Variants in STARD9 observed in about 807,000 individuals in gnomAD.
The protein encoded by STARD9 is stAR-related lipid transfer protein 9.
In STARD9, 346 loss-of-function variants were observed where a neutral mutation model predicts 399.8. That is an observed-to-expected ratio of 0.87 (90% CI 0.79 to 0.95). The LOEUF is 0.95. Among genes scored for constraint, STARD9 ranks in the 40% least tolerant of loss-of-function variants. The pLI is 0.00. For missense variants in STARD9, 5,832 were observed against 5,667.5 expected (o/e 1.03, Z -0.93); for synonymous variants, 2,203 against 2,143.5 (o/e 1.03, Z -0.77).
intron 3 of STARD9, among the ~76,000 whole-genome samples, chr15:42,614,112 A>G (rs934729247): frequency 6.6e-6 from 1 of 152,100 alleles, no homozygotes; most frequent in Non-Finnish European, 1.5e-5. Context: ...GGAGTTCAAG[A>G]CTGCCCTGAC....
At chr15:42,586,504 TG>T (rs2058280485) in intron 3 of STARD9, among the ~76,000 whole-genome samples, 1 of 152,192 alleles carries the variant, frequency 6.6e-6, no homozygotes, top group Non-Finnish European at 1.5e-5. Flanking sequence ...GTTTGAGCAC[TG>T]TTAAAGGCCA....
chr15:42,628,667 C>T (rs970630942), intron 3 of STARD9, among the ~76,000 whole-genome samples: 1 of 152,128 alleles, frequency 6.6e-6, no homozygotes. Context: ...GTTTTCCCAG[C>T]ACCATTTGTT....
chr15:42,651,814 C>T (rs938098609), intron 8 of STARD9, among the ~76,000 whole-genome samples: 1 of 152,170 alleles, frequency 6.6e-6, no homozygotes, highest in African/African-American at 2.4e-5. Flanking sequence ...CATGATTTTT[C>T]AGTGTCAGGC....
At chr15:42,643,288 C>T (rs1396691530) in intron 7 of STARD9, among the ~76,000 whole-genome samples, 1 of 151,940 alleles carries the variant, frequency 6.6e-6, no homozygotes, top group African/African-American at 2.4e-5. Flanking sequence ...CCTCTGCCTT[C>T]CAAGTTTGAG....
At chr15:42,678,590 G>A (rs1057194916) in intron 20 of STARD9, among the ~76,000 whole-genome samples, 3 of 152,196 alleles carry the variant, frequency 2.0e-5, no homozygotes, top group East Asian at 1.9e-4. Flanking sequence ...CTGCCACTGC[G>A]GCTTTAGTAA....
chr15:42,631,574 C>T (rs1276049091), intron 3 of STARD9, among the ~76,000 whole-genome samples: 6 of 150,688 alleles, frequency 4.0e-5, no homozygotes, highest in East Asian at 3.9e-4. Flanking sequence ...AGCGAGATTC[C>T]GTCTCCAAAA....
At chr15:42,593,776 G>T (rs1305653587) in intron 3 of STARD9, among the ~76,000 whole-genome samples, 3 of 141,208 alleles carry the variant, frequency 2.1e-5, no homozygotes, top group African/African-American at 7.9e-5. Context: ...CCATTCTCCT[G>T]TCTCAGCCTC....
chr15:42,607,460 C>T (rs1401254036), intron 3 of STARD9, among the ~76,000 whole-genome samples: 1 of 151,884 alleles, frequency 6.6e-6, no homozygotes, highest in African/African-American at 2.4e-5. Flanking sequence ...ACCTCACCCT[C>T]CCAAAGTGCT....
chr15:42,583,448 A>T (rs1595578173), intron 2 of STARD9, 33 bp downstream of exon 2: 2 of 1,467,504 alleles, frequency 1.4e-6, no homozygotes, highest in African/African-American at 1.4e-5. Context: ...TTTTCTTTCC[A>T]CTGAGGAGCT....
At position 42,693,433 on chromosome 15, in the gene STARD9, C is replaced by T. The variant is rs771529721; in HGVS notation, c.11855C>T (p.Ser3952Phe). ...CCAAGGACTCCAATGGATAATTATT[C>T]CCAAACCACTGACGAGTTAGGTGGC... ...DAPRTPMDNY[S>F]QTTDELGGSQ... The change falls in exon 23 of 33, where the codon TCC becomes TTC. Residue 3952 changes from serine (S) to phenylalanine (F), a missense_variant. By Grantham distance (155) the Ser-to-Phe change is radical. This residue lies in a region of STARD9 where 5,828 missense variants were observed against 5,651.1 expected (regional missense o/e 1.03). Transcript: ENST00000290607. 1.3e-6 allele frequency: 2 copies of T among 1,537,212 alleles called. No homozygotes were observed. Among genetic ancestry groups the T allele is most frequent in the Admixed American group, 3.9e-5 (2 of 51,000 alleles).
intron 1 of STARD9, chr15:42,581,388 T>G: frequency 6.7e-7 from 1 of 1,492,858 alleles, no homozygotes; most frequent in Admixed American, 1.7e-5. Context: ...CGTGGTGCAA[T>G]AGTCAAGAGG....
rs553536668 is a variant in STARD9, at chr15:42,665,341, A to C, written c.1254+11A>C. ...CTGAGCTTTGAACTGGTATGCAGAC[A>C]GTCAGAACCTTTCCGTACTTAAGTG... On this transcript the variant is annotated intron_variant, in intron 14 of 32. Transcript: ENST00000290607. The C allele has an allele frequency of 2.0e-4, 310 of 1,533,848 alleles. No homozygotes were observed. Among genetic ancestry groups the C allele is most frequent in the Non-Finnish European group, 2.6e-4 (299 of 1,144,070 alleles).
At chr15:42,628,443 A>G (rs765465286) in intron 3 of STARD9, among the ~76,000 whole-genome samples, 9 of 152,176 alleles carry the variant, frequency 5.9e-5, no homozygotes, top group Non-Finnish European at 8.8e-5. Context: ...ATGTGATCCC[A>G]TTCATCCATT....
intron 26 of STARD9, among the ~76,000 whole-genome samples, chr15:42,705,370 G>T (rs902929292): frequency 6.6e-6 from 1 of 152,144 alleles, no homozygotes; most frequent in Non-Finnish European, 1.5e-5. Context: ...TGATGTTTCT[G>T]TGGGGAACTA....
At chr15:42,623,270 G>A (rs1260996280) in intron 3 of STARD9, among the ~76,000 whole-genome samples, 1 of 151,784 alleles carries the variant, frequency 6.6e-6, no homozygotes, top group South Asian at 2.1e-4. Context: ...AAAAGATGCC[G>A]ATCAAATGCC....
intron 2 of STARD9, among the ~76,000 whole-genome samples, chr15:42,583,654 A>C (rs898301558): frequency 1.3e-5 from 2 of 152,108 alleles, no homozygotes. Context: ...CTGTTTTGGA[A>C]ATTAGTTGGT....
chr15:42,669,007 G>A (rs2060155860), intron 15 of STARD9, 151 bp from the exon 16 acceptor site: 3 of 542,040 alleles, frequency 5.5e-6, no homozygotes, highest in Non-Finnish European at 8.8e-6. Context: ...AGTTGGAGGA[G>A]GTACAAGGGC....
chr15:42,667,046 C>T lies in STARD9; in HGVS notation c.1317+1198C>T, dbSNP rs188259998. On this transcript the variant is annotated intron_variant, in intron 15 of 32. Coordinates refer to ENST00000290607, the MANE Select transcript of STARD9 (RefSeq NM_020759.3). The stretch of plus-strand genomic sequence containing the variant: ...GCCAGGCTGGTGTCAAACTCCTGGC[C>T]TCAGGTAATCCACCCGCCTTGGCCT... Among the ~76,000 whole-genome samples, 335 of 152,232 alleles carry T rather than the reference C, an allele frequency of 2.2e-3. 2 individuals are homozygous for T. Among genetic ancestry groups the T allele is most frequent in the African/African-American group, 7.6e-3 (315 of 41,540 alleles).
intron 3 of STARD9, among the ~76,000 whole-genome samples, chr15:42,597,577 C>G (rs948549295): frequency 2.0e-5 from 3 of 151,952 alleles, no homozygotes; most frequent in Admixed American, 6.6e-5. Context: ...CGCTCTGTTG[C>G]CCAGACTGGA....
Sources: allele counts gnomAD v4.1 joint callset (sites outside exome capture counted in the v4.1 genomes callset), GRCh38; gene constraint gnomAD v4.1.1; regional missense constraint gnomAD v4.1.1; transcripts MANE v1.5; gene names NCBI Gene and HGNC (gene_info 2026-07-23, HGNC 2026-07-21).